The following PUS7 variants were observed in gnomAD, a reference collection of about 807,000 sequenced individuals.
PUS7 encodes pseudouridine synthase 7, also known as pseudouridylate synthase 7 homolog.
PUS7 carries 48 observed loss-of-function variants against 79.8 expected under a neutral mutation model. The observed-to-expected ratio is 0.60, with a 90% confidence interval of 0.48 to 0.76. The LOEUF (loss-of-function observed/expected upper bound fraction) is 0.76, where lower values mean the gene tolerates loss of function less well. PUS7 is among the 30% of genes least tolerant of loss of function. PUS7 has a pLI of 0.00. For missense variants in PUS7, 729 were observed against 797.6 expected (o/e 0.91, Z 1.04); for synonymous variants, 286 against 272.2 (o/e 1.05, Z -0.50).
rs911445193 is a variant in PUS7 at position 105,457,765 on chromosome 7, T to C, written c.*25A>G. 1.2e-6 allele frequency: 2 copies of C among 1,608,648 alleles called. No individual in the cohort carries two copies. The highest frequency in any genetic ancestry group is 8.5e-7 in the Non-Finnish European group (1 of 1,177,012). ...CAGGAAGCAAACACTTGTGTACGTT[T>C]TCTAATCTGTGGACAAGGTACTGCT... On this transcript the variant is annotated 3_prime_UTR_variant, in exon 16 of 16. Coordinates refer to ENST00000469408, the MANE Select transcript of PUS7 (RefSeq NM_019042.5).
chr7:105,466,812 G>A (rs895315017), intron 12 of PUS7, among the ~76,000 whole-genome samples: 16 of 151,632 alleles, frequency 1.1e-4, no homozygotes, highest in African/African-American at 3.4e-4. Flanking sequence ...CGGCACCCAG[G>A]ACATTAAAAT....
At chr7:105,458,008 T>C in intron 15 of PUS7, 82 bp from the exon 16 acceptor site, 1 of 1,491,990 alleles carries the variant, frequency 6.7e-7, no homozygotes, top group South Asian at 1.3e-5. Flanking sequence ...TCTAAGCAAA[T>C]ACAAAGAACT....
chr7:105,479,097 C>G, intron 9 of PUS7, among the ~76,000 whole-genome samples: 1 of 152,150 alleles, frequency 6.6e-6, no homozygotes, highest in East Asian at 1.9e-4. Flanking sequence ...TATTAGCAAT[C>G]ACTATATTCT....
chr7:105,473,178 C>T (rs549636968), intron 9 of PUS7, among the ~76,000 whole-genome samples: 2 of 151,414 alleles, frequency 1.3e-5, no homozygotes, highest in East Asian at 1.9e-4. Flanking sequence ...AGAATAAATA[C>T]GATTTACTCT....
rs1056200356 is a variant in PUS7, at chr7:105,497,080, A to C, written c.731-1827T>G. On this transcript the variant is annotated intron_variant, in intron 5 of 15. Coordinates refer to ENST00000469408, the MANE Select transcript of PUS7 (RefSeq NM_019042.5). ...TGATCGCATGGTTAAGTTTACACTG[A>C]GGACTTCTACAGCACCCGGTAGTTA... is the stretch of plus-strand genomic sequence containing the variant. 10 of 819,510 alleles carry C rather than the reference A, an allele frequency of 1.2e-5. No homozygotes were observed. In the African/African-American group the frequency reaches 1.6e-4, roughly 13 times the overall value. The allele number at this position is 819,510 out of a possible 1,614,324, so 50.8% of individuals were successfully genotyped here. A position where few individuals can be genotyped will look rare whatever the true frequency, so the allele number is the denominator to read the frequency against.
chr7:105,508,638 G>A, intron 1 of PUS7, 94 bp from the exon 2 acceptor site: 1 of 1,468,248 alleles, frequency 6.8e-7, no homozygotes, highest in Non-Finnish European at 9.0e-7. Context: ...AGCGTTTTGA[G>A]GGAGGTTAAG....
intron 1 of PUS7, among the ~76,000 whole-genome samples, chr7:105,512,826 G>T (rs574752582): frequency 6.6e-6 from 1 of 152,322 alleles, no homozygotes; most frequent in Admixed American, 6.5e-5. Context: ...TGTAATCTAG[G>T]CAAGAAATTA....
rs182669665 is a variant in PUS7, at chr7:105,508,434, C to A, written c.79G>T (p.Val27Phe). The A allele has an allele frequency of 6.2e-7, 1 of 1,614,162 alleles. No individual in the cohort carries two copies. Among genetic ancestry groups the A allele is most frequent in the East Asian group, 2.2e-5 (1 of 44,886 alleles). Residue 27 changes from valine to phenylalanine, a missense_variant, in exon 2 of 16, where the codon GTT (valine) becomes TTT (phenylalanine). By Grantham distance (50) the Val-to-Phe change is conservative (BLOSUM62 -1). Transcript: ENST00000469408. ...VVEDNDSGVP[V>F]EETKKQKLSE... ...AGCTTCTGTTTTTTTGTCTCTTCAA[C>A]TGGGACTCCACTGTCATTATCTTCG...
At chr7:105,510,312 T>C (rs887077577) in intron 1 of PUS7, among the ~76,000 whole-genome samples, 1 of 151,062 alleles carries the variant, frequency 6.6e-6, no homozygotes, top group Non-Finnish European at 1.5e-5. Context: ...AAAAAAAAAA[T>C]AAATAAATAA....
intron 1 of PUS7, among the ~76,000 whole-genome samples, chr7:105,513,500 C>T (rs1229894717): frequency 6.6e-6 from 1 of 152,230 alleles, no homozygotes; most frequent in Non-Finnish European, 1.5e-5. Flanking sequence ...AATAGCTCCT[C>T]TTATTCAACT....
chr7:105,514,563 C>T (rs1187371298), intron 1 of PUS7, among the ~76,000 whole-genome samples: 2 of 151,674 alleles, frequency 1.3e-5, no homozygotes, highest in African/African-American at 4.8e-5. Flanking sequence ...GAGATCGCGC[C>T]ACTGTACTCC....
At position 105,516,814 on chromosome 7, in the gene PUS7, T is replaced by C. The variant is rs550111664; in HGVS notation, c.-33+5238A>G. Among the ~76,000 whole-genome samples the C allele has an allele frequency of 1.9e-3, 294 of 152,068 alleles. 1 individual carries two copies. Among genetic ancestry groups the C allele is most frequent in the African/African-American group, 2.5e-3 (104 of 41,500 alleles). On this transcript the variant is annotated intron_variant, in intron 1 of 15. Coordinates refer to ENST00000469408, the MANE Select transcript of PUS7 (RefSeq NM_019042.5). ...GGAGAGAGAGGTGATCTTATGAACA[T>C]AGAAGAGGCCTGAGAGAATTAAATT...
chr7:105,461,096 G>A (rs1229336350), intron 14 of PUS7, among the ~76,000 whole-genome samples: 3 of 152,062 alleles, frequency 2.0e-5, no homozygotes, highest in African/African-American at 7.2e-5. Context: ...CAAGCTCCTA[G>A]GCTCAAGTGA....
At chr7:105,513,829 C>T (rs1825789591) in intron 1 of PUS7, among the ~76,000 whole-genome samples, 1 of 131,632 alleles carries the variant, frequency 7.6e-6, no homozygotes. Context: ...CAGAGCAAGA[C>T]TCCGTCTCAA....
chr7:105,479,077 G>A (rs1432193358), intron 9 of PUS7, among the ~76,000 whole-genome samples: 1 of 152,042 alleles, frequency 6.6e-6, no homozygotes, highest in African/African-American at 2.4e-5. Flanking sequence ...CATTAGCAAG[G>A]TTGAAAACAT....
At chr7:105,517,689 C>T (rs1462932477) in intron 1 of PUS7, among the ~76,000 whole-genome samples, 1 of 152,006 alleles carries the variant, frequency 6.6e-6, no homozygotes, top group Non-Finnish European at 1.5e-5. Context: ...TTGTGTGAGA[C>T]CAGTTTAAGG....
chr7:105,505,201 C>T (rs928006555), intron 4 of PUS7, among the ~76,000 whole-genome samples: 2 of 152,008 alleles, frequency 1.3e-5, no homozygotes, highest in African/African-American at 4.8e-5. Flanking sequence ...CGGGATTTCG[C>T]CATGTTGGCC....
rs551424334 is a variant in PUS7 at position 105,484,630 on chromosome 7, C to G, written c.921-2190G>C. Among the ~76,000 whole-genome samples, 23 of 151,618 alleles carry G rather than the reference C, an allele frequency of 1.5e-4. No homozygotes were observed. The South Asian group carries it at 4.6e-3, about 30-fold the overall frequency. On this transcript the variant is annotated intron_variant, in intron 7 of 15. Transcript: ENST00000469408. The stretch of plus-strand genomic sequence containing the variant: ...GGTCAGGAATTCGAGACCAGCCTGG[C>G]CAATATGGTGAAACCCCGTCTCTAC...
intron 7 of PUS7, among the ~76,000 whole-genome samples, chr7:105,488,382 G>T (rs1400636128): frequency 6.6e-6 from 1 of 151,814 alleles, no homozygotes; most frequent in Non-Finnish European, 1.5e-5. Flanking sequence ...TTTTTTGCAG[G>T]ATAATTAGGC....
Sources: gnomAD v4.1 joint callset for allele counts (sites outside exome capture counted in the v4.1 genomes callset) on GRCh38, gnomAD v4.1.1 for gene constraint, MANE v1.5 for transcripts, NCBI Gene and HGNC (gene_info 2026-07-23, HGNC 2026-07-21) for gene names.